SLC16A7: variants seen among roughly 807,000 people sequenced by gnomAD.
The protein encoded by SLC16A7 is monocarboxylate transporter 2.
SLC16A7 carries 33 observed loss-of-function variants against 34.9 expected under a neutral mutation model. The observed-to-expected ratio is 0.94, with a 90% confidence interval of 0.72 to 1.26. SLC16A7 has a LOEUF of 1.26. Among genes scored for constraint, SLC16A7 ranks in the 50% most tolerant of loss-of-function variants. SLC16A7 has a pLI of 0.00. For synonymous variants in SLC16A7, 201 were observed against 206.6 expected (o/e 0.97, Z 0.23); for missense variants, 573 against 578.1 (o/e 0.99, Z 0.09).
intron 3 of SLC16A7, among the ~76,000 whole-genome samples, chr12:59,717,224 G>A (rs774782737): frequency 3.3e-5 from 5 of 152,186 alleles, no homozygotes; most frequent in Admixed American, 6.5e-5. Context: ...CTCTTGTTAT[G>A]TGGGACAAAT....
At chr12:59,777,500 G>A (rs970070503) in intron 5 of SLC16A7, among the ~76,000 whole-genome samples, 1 of 152,014 alleles carries the variant, frequency 6.6e-6, no homozygotes, top group Non-Finnish European at 1.5e-5. Flanking sequence ...TTTTCAGACT[G>A]AACTTTCACT....
rs1041247048 is a variant in SLC16A7 at position 59,785,928 on chromosome 12, C to T, written c.*6249C>T. The T allele has an allele frequency of 4.0e-5, 6 of 148,494 alleles. No homozygotes were observed. Among genetic ancestry groups the T allele is most frequent in the Non-Finnish European group, 8.9e-5 (6 of 67,278 alleles). The allele number at this position is 148,494 out of a possible 1,614,324, so 9.2% of individuals were successfully genotyped here. ...GAAATCATCATTCTCAGTAAACTAT[C>T]GCAAGAACAAAAAACCAAACACCGC... On this transcript the variant is annotated 3_prime_UTR_variant, in exon 6 of 6. Coordinates refer to ENST00000547379, the MANE Select transcript of SLC16A7 (RefSeq NM_001270623.2).
intron 2 of SLC16A7, among the ~76,000 whole-genome samples, chr12:59,674,939 T>TACTAAG (rs1164642889): frequency 9.9e-5 from 15 of 152,164 alleles, no homozygotes; most frequent in Non-Finnish European, 1.9e-4. Context: ...ACTTCTAAAA[T>TACTAAG]ACTAAGACTC....
chr12:59,684,254 A>T (rs17122850), intron 2 of SLC16A7, among the ~76,000 whole-genome samples: 10,573 of 152,304 alleles, frequency 0.069, 414 homozygotes, highest in Middle Eastern at 0.15. Context: ...ATAAAAATAA[A>T]GTGTGAAAAT....
At chr12:59,719,898 A>G in intron 3 of SLC16A7, 2 of 522,444 alleles carry the variant, frequency 3.8e-6, no homozygotes, top group Non-Finnish European at 6.7e-6. Flanking sequence ...TCCGTGGTCC[A>G]CTGGAAAGTT....
At chr12:59,606,637 T>C (rs1005657632) in intron 1 of SLC16A7, among the ~76,000 whole-genome samples, 4 of 152,174 alleles carry the variant, frequency 2.6e-5, no homozygotes, top group Non-Finnish European at 5.9e-5. Context: ...TCAGCCGATG[T>C]TTCAGTGCAG....
Position 59,776,798 on chromosome 12 carries a change from T to C in SLC16A7, c.1180+1323T>C, listed in dbSNP as rs1882805523. 2.0e-5 allele frequency among the ~76,000 whole-genome samples: 3 copies of C among 152,254 alleles called. No homozygotes were observed. The South Asian group carries it at 6.2e-4, about 32-fold the overall frequency. ...TCCTATGGTATCTAGCACAGGTGTT[T>C]TAGGTGGTATATCTCTCAATATAAA... On this transcript the variant is annotated intron_variant, in intron 5 of 5. Coordinates refer to ENST00000547379, the MANE Select transcript of SLC16A7 (RefSeq NM_001270623.2).
intron 3 of SLC16A7, among the ~76,000 whole-genome samples, chr12:59,713,085 T>G (rs1874441756): frequency 6.6e-6 from 1 of 152,124 alleles, no homozygotes; most frequent in Admixed American, 6.6e-5. Flanking sequence ...ACTGGCACAG[T>G]ATCGGCTCAC....
At position 59,782,447 on chromosome 12, in the gene SLC16A7, A is replaced by G. The variant is rs1293817837; in HGVS notation, c.*2768A>G. On this transcript the variant is annotated 3_prime_UTR_variant, in exon 6 of 6. Transcript: ENST00000547379. The stretch of plus-strand genomic sequence containing the variant: ...GATATATTTGGCTTCTGCCTCTGCA[A>G]CAATTAGTATGAACATATTTCTTTC... 1 of 152,212 alleles carries G rather than the reference A, an allele frequency of 6.6e-6. No individual in the cohort carries two copies. Among genetic ancestry groups the G allele is most frequent in the Non-Finnish European group, 1.5e-5 (1 of 68,018 alleles). The allele number at this position is 152,212 out of a possible 1,614,324, so 9.4% of individuals were successfully genotyped here.
In SLC16A7 at chr12:59,730,091, C is replaced by T. The variant is rs568880375; in HGVS notation, c.217+25073C>T. On this transcript the variant is annotated intron_variant, in intron 3 of 5. Transcript: ENST00000547379. ...GAAATTTCAGGACTCAGGTTCTTCCCAAAAATTAGTTCAGGATCTACCAGG... is the reference window on the plus strand; with the variant it reads ...GAAATTTCAGGACTCAGGTTCTTCCTAAAAATTAGTTCAGGATCTACCAGG... 1.3e-4 allele frequency among the ~76,000 whole-genome samples: 20 copies of T among 152,034 alleles called. No homozygotes were observed. The East Asian group carries it at 2.7e-3, about 21-fold the overall frequency.
chr12:59,619,432 T>A (rs2136978730), intron 1 of SLC16A7, among the ~76,000 whole-genome samples: 1 of 152,174 alleles, frequency 6.6e-6, no homozygotes, highest in Non-Finnish European at 1.5e-5. Context: ...AGCAGAACAT[T>A]TTTCCTCATC....
chr12:59,719,251 A>C (rs969889088), intron 3 of SLC16A7, among the ~76,000 whole-genome samples: 2 of 152,206 alleles, frequency 1.3e-5, no homozygotes, highest in African/African-American at 4.8e-5. Flanking sequence ...TACCTGTTCT[A>C]GTAAGAAAGA....
Position 59,614,942 on chromosome 12 carries a change from G to T in SLC16A7, c.-130+18706G>T, listed in dbSNP as rs780410682. 8.6e-4 allele frequency among the ~76,000 whole-genome samples: 130 copies of T among 150,908 alleles called. 1 individual carries two copies. Among genetic ancestry groups the T allele is most frequent in the Non-Finnish European group, 3.7e-4 (25 of 67,852 alleles). On this transcript the variant is annotated intron_variant, in intron 1 of 5. Coordinates refer to ENST00000547379, the MANE Select transcript of SLC16A7 (RefSeq NM_001270623.2). ...CACTTGAGCCCGGGAGGTGGAGTTT[G>T]CAGTGAGCCGAGATCGCACCACTGC...
chr12:59,679,200 G>A (rs1416328703), intron 2 of SLC16A7, among the ~76,000 whole-genome samples: 1 of 152,164 alleles, frequency 6.6e-6, no homozygotes, highest in Admixed American at 6.5e-5. Flanking sequence ...GCACCCAAGA[G>A]CACAGGGATG....
chr12:59,641,279 G>C (rs1880674296), intron 1 of SLC16A7, among the ~76,000 whole-genome samples: 1 of 152,024 alleles, frequency 6.6e-6, no homozygotes, highest in South Asian at 2.1e-4. Context: ...ATACAAAGCA[G>C]TCTTTTTAAT....
intron 3 of SLC16A7, among the ~76,000 whole-genome samples, chr12:59,762,600 G>A (rs989376711): frequency 6.6e-6 from 1 of 151,978 alleles, no homozygotes; most frequent in Non-Finnish European, 1.5e-5. Context: ...ACAAATTTTT[G>A]CATAAGAACA....
chr12:59,698,063 A>G (rs558287621), intron 2 of SLC16A7, among the ~76,000 whole-genome samples: 3 of 151,748 alleles, frequency 2.0e-5, no homozygotes, highest in Non-Finnish European at 4.4e-5. Flanking sequence ...GATGTTTCCA[A>G]ATTATTCATT....
intron 1 of SLC16A7, among the ~76,000 whole-genome samples, chr12:59,641,557 ATT>A (rs75924371): frequency 9.3e-5 from 14 of 151,082 alleles, no homozygotes; most frequent in Admixed American, 4.6e-4. Flanking sequence ...TTCTAGGGCT[ATT>A]TTTTTTTAGC....
chr12:59,652,215 C>G (rs924001266), intron 1 of SLC16A7, among the ~76,000 whole-genome samples: 10 of 151,892 alleles, frequency 6.6e-5, no homozygotes, highest in Non-Finnish European at 1.3e-4. Flanking sequence ...CATATGTCAG[C>G]TGACATAATT....
Sources: gnomAD v4.1 joint callset for allele counts (sites outside exome capture counted in the v4.1 genomes callset) on GRCh38, gnomAD v4.1.1 for gene constraint, MANE v1.5 for transcripts, NCBI Gene and HGNC (gene_info 2026-07-23, HGNC 2026-07-21) for gene names.